Variants in OPHN1 observed in about 807,000 individuals in gnomAD.
The protein encoded by OPHN1 is oligophrenin 1, also known as oligophrenin-1.
Under a neutral mutation model 60.7 loss-of-function variants are expected in OPHN1, and 11 were observed. The ratio of observed to expected loss-of-function variants is 0.18; its 90% CI spans 0.11 to 0.30. The LOEUF (loss-of-function observed/expected upper bound fraction) is 0.30, where lower values mean the gene tolerates loss of function less well. OPHN1 is among the 10% of genes least tolerant of loss of function. OPHN1 has a pLI of 1.00. For synonymous variants in OPHN1, 226 were observed against 222.6 expected, an observed-to-expected ratio of 1.02 and a Z score of -0.14; for missense variants, 449 against 611.0, an observed-to-expected ratio of 0.73 and a Z score of 2.80.
rs1602225921 is a variant in OPHN1, at chrX:68,193,109, C to T, written c.1202-116G>A. The T allele has an allele frequency of 1.2e-5, 7 of 560,052 alleles. No homozygotes were observed. In the East Asian group the frequency reaches 2.5e-4, roughly 20 times the overall value. 46.2% of individuals were successfully genotyped at this position (560,052 alleles called of 1,213,427 possible). A position where few individuals can be genotyped will look rare whatever the true frequency, so the allele number is the denominator to read the frequency against. On this transcript the variant is annotated intron_variant, in intron 14 of 24. Coordinates refer to ENST00000355520, the MANE Select transcript of OPHN1 (RefSeq NM_002547.3). The stretch of plus-strand genomic sequence containing the variant: ...GGTCACACTACATACTCCAAGTTCT[C>T]CAGCCTTCCCTGTAACAGGGGAATA...
intron 6 of OPHN1, among the ~76,000 whole-genome samples, chrX:68,230,133 C>T (rs971518121): frequency 3.6e-5 from 4 of 112,117 alleles, no homozygotes; most frequent in African/African-American, 6.5e-5. Context: ...CAAAAGAAGA[C>T]ATTTATGCAG....
At chrX:68,096,250 G>C (rs1030583620) in intron 19 of OPHN1, among the ~76,000 whole-genome samples, 2 of 111,290 alleles carry the variant, frequency 1.8e-5, no homozygotes, top group African/African-American at 6.5e-5. Flanking sequence ...GAACAAACAA[G>C]CCTTGCTAAG....
At chrX:68,389,583 A>ATAAATAAAT (rs2078642895) in intron 2 of OPHN1, among the ~76,000 whole-genome samples, 1 of 103,341 alleles carries the variant, frequency 9.7e-6, no homozygotes, top group African/African-American at 3.5e-5. Context: ...AAATAAATAA[A>ATAAATAAAT]TAAATAAATA....
chrX:68,166,893 C>T (rs1411070148), intron 15 of OPHN1, among the ~76,000 whole-genome samples: 2 of 112,238 alleles, frequency 1.8e-5, no homozygotes, highest in African/African-American at 3.2e-5. Context: ...AAATGTATTA[C>T]AGACTTAAAT....
chrX:68,419,021 T>C (rs2078812788), intron 2 of OPHN1, among the ~76,000 whole-genome samples: 1 of 110,809 alleles, frequency 9.0e-6, no homozygotes, highest in Non-Finnish European at 1.9e-5. Flanking sequence ...TTTGTTTGTT[T>C]TTTTGAGATG....
At chrX:68,272,286 A>G (rs2077973823) in intron 5 of OPHN1, among the ~76,000 whole-genome samples, 1 of 111,415 alleles carries the variant, frequency 9.0e-6, no homozygotes, top group African/African-American at 3.3e-5. Context: ...ATGAAAAAAG[A>G]TAGATACATA....
chrX:68,051,422 A>G (rs755711456), intron 23 of OPHN1, among the ~76,000 whole-genome samples: 33 of 111,727 alleles, frequency 3.0e-4, no homozygotes, highest in Admixed American at 3.8e-4. Context: ...AAACAAAATA[A>G]AACAAAAAAA....
chrX:68,416,067 TAGAGAGAG>T (rs1171250178), intron 2 of OPHN1, among the ~76,000 whole-genome samples: 74 of 8,284 alleles, frequency 8.9e-3, no homozygotes, highest in African/African-American at 0.016. Flanking sequence ...TATATATATA[TAGAGAGAG>T]AGAGAGAGAG....
chrX:68,122,297 G>GATGCTC (rs1478668219), intron 15 of OPHN1, among the ~76,000 whole-genome samples: 1 of 111,877 alleles, frequency 8.9e-6, no homozygotes, highest in African/African-American at 3.3e-5. Context: ...CTGGGTATGG[G>GATGCTC]ATGCTCTCTA....
intron 15 of OPHN1, among the ~76,000 whole-genome samples, chrX:68,152,084 T>C (rs1245906562): frequency 9.0e-6 from 1 of 110,968 alleles, no homozygotes; most frequent in African/African-American, 3.3e-5. Flanking sequence ...GAGGGGATGA[T>C]GCTAACCCAC....
chrX:68,196,647 C>G (rs2077513943), intron 12 of OPHN1, among the ~76,000 whole-genome samples: 1 of 111,850 alleles, frequency 8.9e-6, no homozygotes, highest in South Asian at 3.7e-4. Flanking sequence ...CCTGCATAAC[C>G]GTGTTCTAAA....
At chrX:68,366,770 T>A (rs1354675751) in intron 2 of OPHN1, among the ~76,000 whole-genome samples, 1 of 112,156 alleles carries the variant, frequency 8.9e-6, no homozygotes, top group Non-Finnish European at 1.9e-5. Context: ...ATGGTGTAAT[T>A]TCCAAAGATA....
intron 2 of OPHN1, among the ~76,000 whole-genome samples, chrX:68,400,484 A>G (rs1445271441): frequency 9.0e-6 from 1 of 111,690 alleles, no homozygotes; most frequent in Non-Finnish European, 1.9e-5. Context: ...ACAGTTCTGC[A>G]GGCTGTACAG....
intron 6 of OPHN1, among the ~76,000 whole-genome samples, chrX:68,223,182 C>A (rs1213810102): frequency 8.9e-6 from 1 of 111,732 alleles, no homozygotes; most frequent in Admixed American, 9.5e-5. Flanking sequence ...GATCTCACTA[C>A]TGAGAATCTA....
chrX:68,163,845 G>T (rs965975348), intron 15 of OPHN1, among the ~76,000 whole-genome samples: 1 of 110,763 alleles, frequency 9.0e-6, no homozygotes, highest in Admixed American at 9.7e-5. Flanking sequence ...AGTGCTGTTG[G>T]TATAGGTATT....
At chrX:68,049,668 C>T (rs990108106) in intron 23 of OPHN1, among the ~76,000 whole-genome samples, 6 of 111,755 alleles carry the variant, frequency 5.4e-5, no homozygotes, top group Non-Finnish European at 1.1e-4. Context: ...TGAAATTCTT[C>T]CCCCCTTTCT....
chrX:68,071,315 G>T, intron 20 of OPHN1: 1 of 762,955 alleles, frequency 1.3e-6, no homozygotes, highest in East Asian at 3.2e-5. Flanking sequence ...AGCTTGGAAA[G>T]TGAAGCTCGG....
intron 17 of OPHN1, 115 bp from the exon 18 acceptor site, chrX:68,112,074 C>CACAT: frequency 2.4e-6 from 1 of 417,401 alleles, no homozygotes; most frequent in South Asian, 3.6e-5. Flanking sequence ...CACACACACA[C>CACAT]ACACACACAC....
At position 68,279,896 on chromosome X, in the gene OPHN1, A is replaced by G. The variant is rs188129296; in HGVS notation, c.312+3160T>C. 5.4e-3 allele frequency among the ~76,000 whole-genome samples: 605 copies of G among 112,240 alleles called. 7 individuals carry two copies. Among genetic ancestry groups the G allele is most frequent in the African/African-American group, 0.019 (574 of 30,925 alleles). ...AGGGTGAGAAAAACAACATCTCAAA[A>G]GATGAATACTACTTCAATATGTGAG... On this transcript the variant is annotated intron_variant, in intron 4 of 24. Transcript: ENST00000355520.
Sources: gnomAD v4.1 joint callset for allele counts (sites outside exome capture counted in the v4.1 genomes callset) on GRCh38, gnomAD v4.1.1 for gene constraint, MANE v1.5 for transcripts, NCBI Gene and HGNC (gene_info 2026-07-23, HGNC 2026-07-21) for gene names.